The following KCNIP1 variants were observed in gnomAD, a reference collection of about 807,000 sequenced individuals.
KCNIP1 encodes potassium voltage-gated channel interacting protein 1.
In KCNIP1, 18 loss-of-function variants were observed where a neutral mutation model predicts 33.0. The ratio of observed to expected loss-of-function variants is 0.55; its 90% confidence interval spans 0.38 to 0.81. The LOEUF (loss-of-function observed/expected upper bound fraction) is 0.81, where lower values mean the gene tolerates loss of function less well. Among genes scored for constraint, KCNIP1 ranks in the 30% least tolerant of loss-of-function variants. KCNIP1 has a pLI of 0.00. For synonymous variants in KCNIP1, 93 were observed against 98.3 expected (o/e 0.95, Z 0.32); for missense variants, 238 against 271.6 (o/e 0.88, Z 0.87).
intron 1 of KCNIP1, chr5:170,383,642 G>T (rs1377480429): frequency 6.2e-7 from 1 of 1,608,814 alleles, no homozygotes; most frequent in Non-Finnish European, 8.5e-7. Flanking sequence ...ACCTGACAGG[G>T]ATAAAGGGAT....
chr5:170,733,555 T>G (rs891775616), intron 6 of KCNIP1, among the ~76,000 whole-genome samples: 2 of 151,818 alleles, frequency 1.3e-5, no homozygotes, highest in African/African-American at 4.8e-5. Flanking sequence ...TAGCAGGGAG[T>G]CTACAGAAGA....
At chr5:170,450,158 C>T (rs1196895558) in intron 1 of KCNIP1, among the ~76,000 whole-genome samples, 1 of 111,876 alleles carries the variant, frequency 8.9e-6, no homozygotes, top group Admixed American at 1.4e-4. Flanking sequence ...ATGTTAATTA[C>T]CCACAAGTGT....
intron 1 of KCNIP1, among the ~76,000 whole-genome samples, chr5:170,648,491 A>G (rs1221858353): frequency 6.6e-6 from 1 of 152,212 alleles, no homozygotes; most frequent in African/African-American, 2.4e-5. Flanking sequence ...GCATGGAGGA[A>G]CCGTAAGTGC....
At chr5:170,363,892 C>A (rs2113292905) in intron 1 of KCNIP1, among the ~76,000 whole-genome samples, 1 of 151,812 alleles carries the variant, frequency 6.6e-6, no homozygotes, top group South Asian at 2.1e-4. Flanking sequence ...CAGGCTCTGG[C>A]AGCCACCACT....
intron 1 of KCNIP1, among the ~76,000 whole-genome samples, chr5:170,505,504 G>A (rs758205469): frequency 1.3e-5 from 2 of 152,178 alleles, no homozygotes; most frequent in East Asian, 1.9e-4. Context: ...ATGTCACTAC[G>A]AGTGGTAAGA....
intron 1 of KCNIP1, among the ~76,000 whole-genome samples, chr5:170,405,019 T>C (rs1380842858): frequency 1.3e-5 from 2 of 152,186 alleles, no homozygotes; most frequent in African/African-American, 2.4e-5. Context: ...TGCAGACAGG[T>C]ATTTCTGTAA....
chr5:170,436,990 G>A (rs955830475), intron 1 of KCNIP1, among the ~76,000 whole-genome samples: 1 of 152,220 alleles, frequency 6.6e-6, no homozygotes, highest in Admixed American at 6.5e-5. Context: ...TGTGTGACAT[G>A]GGAGCCTTGA....
chr5:170,599,335 A>C, intron 1 of KCNIP1, among the ~76,000 whole-genome samples: 1 of 152,148 alleles, frequency 6.6e-6, no homozygotes, highest in East Asian at 1.9e-4. Flanking sequence ...GGGGCCTCTC[A>C]TCCAGACACA....
At chr5:170,721,989 G>A (rs1763841759) in intron 4 of KCNIP1, 86 bp downstream of exon 4, 2 of 1,476,544 alleles carry the variant, frequency 1.4e-6, no homozygotes, top group Non-Finnish European at 9.4e-7. Flanking sequence ...GGGAAGGTCT[G>A]GACCATCAAA....
At chr5:170,494,760 T>A (rs1757277273) in intron 1 of KCNIP1, among the ~76,000 whole-genome samples, 1 of 152,184 alleles carries the variant, frequency 6.6e-6, no homozygotes, top group Admixed American at 6.5e-5. Context: ...TGCTGTTTCC[T>A]CCCAGTTCTT....
At chr5:170,732,726 C>T (rs760232208) in intron 5 of KCNIP1, 74 bp from the exon 6 acceptor site, 2 of 934,722 alleles carry the variant, frequency 2.1e-6, no homozygotes, top group Non-Finnish European at 3.5e-6. Flanking sequence ...GCACAAGGAG[C>T]CCCAAACTCT....
upstream of KCNIP1, among the ~76,000 whole-genome samples, chr5:170,502,640 C>T (rs182366619): frequency 4.7e-4 from 71 of 152,242 alleles, 1 homozygote; most frequent in African/African-American, 1.6e-3. Context: ...TAAGGACCTG[C>T]GCCCATATGT....
intron 1 of KCNIP1, among the ~76,000 whole-genome samples, chr5:170,493,517 G>T (rs941449997): frequency 1.3e-5 from 2 of 152,134 alleles, no homozygotes; most frequent in African/African-American, 4.8e-5. Context: ...AGTCACCATG[G>T]TGGCTGGACC....
chr5:170,661,321 A>G (rs1423270310), intron 1 of KCNIP1, among the ~76,000 whole-genome samples: 1 of 152,148 alleles, frequency 6.6e-6, no homozygotes, highest in Non-Finnish European at 1.5e-5. Flanking sequence ...GTGTACATTG[A>G]CATGCATGAC....
intron 1 of KCNIP1, among the ~76,000 whole-genome samples, chr5:170,455,038 C>A (rs1402336599): frequency 6.6e-6 from 1 of 152,016 alleles, no homozygotes; most frequent in Non-Finnish European, 1.5e-5. Context: ...AACAAATATG[C>A]TCCTAAAAAT....
chr5:170,357,597 A>G (rs536215907), intron 1 of KCNIP1, among the ~76,000 whole-genome samples: 2 of 152,280 alleles, frequency 1.3e-5, no homozygotes, highest in African/African-American at 4.8e-5. Context: ...TGATGCAATC[A>G]CGGCTCACTG....
intron 1 of KCNIP1, among the ~76,000 whole-genome samples, chr5:170,381,593 C>A (rs1764242862): frequency 6.6e-6 from 1 of 152,126 alleles, no homozygotes; most frequent in South Asian, 2.1e-4. Context: ...TGCTTCCTCC[C>A]AGCTCCTGCA....
chr5:170,424,275 C>A (rs1429955415), intron 1 of KCNIP1, among the ~76,000 whole-genome samples: 3 of 152,160 alleles, frequency 2.0e-5, no homozygotes, highest in African/African-American at 7.2e-5. Context: ...TGCACATGTC[C>A]CATTGGGCTG....
intron 1 of KCNIP1, among the ~76,000 whole-genome samples, chr5:170,491,001 C>T (rs901877195): frequency 2.0e-5 from 3 of 152,238 alleles, no homozygotes; most frequent in African/African-American, 4.8e-5. Context: ...AGCCCTAATA[C>T]AGTTGGCCCT....
Sources: gnomAD v4.1 joint callset for allele counts (sites outside exome capture counted in the v4.1 genomes callset) on GRCh38, gnomAD v4.1.1 for gene constraint, MANE v1.5 for transcripts, NCBI Gene and HGNC (gene_info 2026-07-23, HGNC 2026-07-21) for gene names.